GSG1L: variants seen among roughly 807,000 people sequenced by gnomAD.
GSG1L encodes GSG1 like.
Under a neutral mutation model 42.1 loss-of-function variants are expected in GSG1L, and 24 were observed. The ratio of observed to expected loss-of-function variants is 0.57; its 90% confidence interval spans 0.41 to 0.80. The LOEUF is 0.80. GSG1L is among the 30% of genes least tolerant of loss of function. GSG1L has a pLI of 0.00. For missense variants in GSG1L, 445 were observed against 472.2 expected (o/e 0.94, Z 0.53); for synonymous variants, 215 against 203.5 (o/e 1.06, Z -0.48).
chr16:27,890,641 G>A (rs556809941), intron 2 of GSG1L, among the ~76,000 whole-genome samples: 2 of 152,306 alleles, frequency 1.3e-5, no homozygotes, highest in South Asian at 2.1e-4. Context: ...GCTTGGACAC[G>A]TGAGCAGATG....
intron 3 of GSG1L, among the ~76,000 whole-genome samples, chr16:27,871,166 G>T (rs777298963): frequency 6.6e-6 from 1 of 152,110 alleles, no homozygotes; most frequent in Admixed American, 6.5e-5. Context: ...TGAAAATTCC[G>T]AGTTGTCGTG....
chr16:27,909,636 T>C (rs71389510), intron 2 of GSG1L, among the ~76,000 whole-genome samples: 632 of 49,576 alleles, frequency 0.013, 3 homozygotes, highest in Non-Finnish European at 0.018. Flanking sequence ...TGCACCCAGC[T>C]TTTTTTTTTT....
chr16:27,791,250 G>T lies in GSG1L; in HGVS notation c.*120C>A, dbSNP rs1270622665. ...GCAGGACAGGCCTGGCATCTCCCAC[G>T]CAGGCTGACTGAGTTCACGGCACAC... On this transcript the variant is annotated 3_prime_UTR_variant, in exon 7 of 7. Coordinates refer to ENST00000447459, the MANE Select transcript of GSG1L (RefSeq NM_001109763.2). 3.5e-6 allele frequency: 2 copies of T among 573,254 alleles called. No homozygotes were observed. Among genetic ancestry groups the T allele is most frequent in the South Asian group, 5.7e-5 (1 of 17,580 alleles). The allele number at this position is 573,254 out of a possible 1,614,324, so 35.5% of individuals were successfully genotyped here.
At chr16:27,823,248 G>A (rs1349378971) in intron 5 of GSG1L, among the ~76,000 whole-genome samples, 1 of 152,076 alleles carries the variant, frequency 6.6e-6, no homozygotes, top group African/African-American at 2.4e-5. Context: ...GGAATTGGGG[G>A]GTGCAGGCCC....
chr16:27,943,038 A>G (rs1427694186), intron 2 of GSG1L, among the ~76,000 whole-genome samples: 4 of 151,898 alleles, frequency 2.6e-5, no homozygotes, highest in Non-Finnish European at 4.4e-5. Flanking sequence ...GAATTTGCAG[A>G]GTGGTTTTGT....
At chr16:27,866,316 T>C (rs1312258383) in intron 3 of GSG1L, among the ~76,000 whole-genome samples, 2 of 152,332 alleles carry the variant, frequency 1.3e-5, no homozygotes, top group African/African-American at 4.8e-5. Flanking sequence ...TATTACCAAT[T>C]CTGTTACAGT....
Position 27,828,966 on chromosome 16 carries a change from G to C in GSG1L, c.663-10C>G. On this transcript the variant is annotated splice_polypyrimidine_tract_variant and intron_variant, in intron 4 of 6. Coordinates refer to ENST00000447459, the MANE Select transcript of GSG1L (RefSeq NM_001109763.2). ...GGAGCCCCACGCCAGGCTGCCAAGA[G>C]ATCAGGAGAGAGATGCCATCGTGAG... 1 of 1,613,554 alleles carries C rather than the reference G, an allele frequency of 6.2e-7. No individual in the cohort carries two copies. The highest frequency in any genetic ancestry group is 8.5e-7 in the Non-Finnish European group (1 of 1,179,580).
chr16:27,869,406 TTCC>T (rs982724770), intron 3 of GSG1L, among the ~76,000 whole-genome samples: 1 of 151,562 alleles, frequency 6.6e-6, no homozygotes, highest in Non-Finnish European at 1.5e-5. Flanking sequence ...GTCTCTCTTG[TTCC>T]TCCTTTTTCT....
At chr16:27,911,936 G>T (rs2084396255) in intron 2 of GSG1L, among the ~76,000 whole-genome samples, 1 of 152,178 alleles carries the variant, frequency 6.6e-6, no homozygotes, top group Non-Finnish European at 1.5e-5. Context: ...GGAGGCAGGG[G>T]TTTTTGTCTC....
rs773407925 is a variant in GSG1L at position 27,947,540 on chromosome 16, G to GGAAAGAAAGAAAGAAAGAAA, written c.397+15596_397+15615dup. 1.4e-3 allele frequency among the ~76,000 whole-genome samples: 140 copies of GGAAAGAAAGAAAGAAAGAAA among 97,154 alleles called. 2 individuals are homozygous for GGAAAGAAAGAAAGAAAGAAA. Among genetic ancestry groups the GGAAAGAAAGAAAGAAAGAAA allele is most frequent in the East Asian group, 3.4e-3 (11 of 3,200 alleles). 63.7% of individuals were successfully genotyped at this position (97,154 alleles called of 152,430 possible). A position where few individuals can be genotyped will look rare whatever the true frequency, so the allele number is the denominator to read the frequency against. On this transcript the variant is annotated intron_variant, in intron 2 of 6. Transcript: ENST00000447459. ...GAAAGAAAAAGAAAGAAAGAATGAA[G>GGAAAGAAAGAAAGAAAGAAA]GAAAGAAAGAAAGAAAGAAAGAAAG...
At chr16:27,998,054 A>G (rs2085538072) in intron 1 of GSG1L, among the ~76,000 whole-genome samples, 1 of 151,762 alleles carries the variant, frequency 6.6e-6, no homozygotes, top group Non-Finnish European at 1.5e-5. Flanking sequence ...ATGGGGCTTC[A>G]CCATGTTGGC....
At chr16:28,051,726 C>T (rs2086224254) in intron 1 of GSG1L, among the ~76,000 whole-genome samples, 1 of 152,146 alleles carries the variant, frequency 6.6e-6, no homozygotes. Flanking sequence ...GACAGTGGGG[C>T]TGCAGCATAG....
intron 3 of GSG1L, among the ~76,000 whole-genome samples, chr16:27,881,498 T>C (rs1645365): frequency 0.63 from 95,722 of 151,822 alleles, 30,734 homozygotes; most frequent in Admixed American, 0.75. Flanking sequence ...CCTCGGCCTC[T>C]CAAAGTGCTG....
intron 1 of GSG1L, among the ~76,000 whole-genome samples, chr16:28,062,678 G>A (rs1247967978): frequency 1.3e-5 from 2 of 152,164 alleles, no homozygotes; most frequent in Non-Finnish European, 2.9e-5. Flanking sequence ...GGGGTGGGTG[G>A]GGGCATCTAG....
intron 2 of GSG1L, among the ~76,000 whole-genome samples, chr16:27,960,796 C>T (rs949289025): frequency 7.9e-5 from 12 of 152,108 alleles, no homozygotes; most frequent in African/African-American, 2.4e-4. Flanking sequence ...ACAGCGAGTA[C>T]GTGAAAATCA....
chr16:27,898,040 G>A (rs1195843125), intron 2 of GSG1L, among the ~76,000 whole-genome samples: 1 of 152,192 alleles, frequency 6.6e-6, no homozygotes, highest in Non-Finnish European at 1.5e-5. Context: ...TTTTGACAAT[G>A]CCTCTGGCCC....
At chr16:27,823,180 C>G (rs116549852) in intron 5 of GSG1L, among the ~76,000 whole-genome samples, 1 of 152,002 alleles carries the variant, frequency 6.6e-6, no homozygotes, top group Non-Finnish European at 1.5e-5. Context: ...AAGGAGGGGA[C>G]GACAGGCAGG....
intron 1 of GSG1L, among the ~76,000 whole-genome samples, chr16:27,971,584 G>A (rs2085193683): frequency 6.6e-6 from 1 of 152,116 alleles, no homozygotes; most frequent in African/African-American, 2.4e-5. Context: ...CATATCATCT[G>A]CAAATAGAGA....
At chr16:28,030,985 C>G (rs558380328) in intron 1 of GSG1L, among the ~76,000 whole-genome samples, 15 of 66,282 alleles carry the variant, frequency 2.3e-4, no homozygotes, top group African/African-American at 3.1e-4. Flanking sequence ...GGATGGGTTG[C>G]GATGGAATGG....
Sources: allele counts gnomAD v4.1 joint callset (sites outside exome capture counted in the v4.1 genomes callset), GRCh38; gene constraint gnomAD v4.1.1; transcripts MANE v1.5; gene names NCBI Gene and HGNC (gene_info 2026-07-23, HGNC 2026-07-21).